FAT1: variants seen among roughly 807,000 people sequenced by gnomAD.
FAT1 encodes the protein protocadherin Fat 1.
FAT1 carries 171 observed loss-of-function variants against 329.8 expected under a neutral mutation model. That is an observed-to-expected ratio of 0.52 (90% CI 0.46 to 0.59). The LOEUF is 0.59. Ranked by LOEUF, FAT1 falls within the 20% of genes least tolerant of loss-of-function variation. The probability of loss-of-function intolerance (pLI) is 0.00; values close to 1 mark genes in which losing one functional copy is unlikely to be tolerated. For synonymous variants in FAT1, 2,233 were observed against 2,228.6 expected (o/e 1.00, Z -0.06); for missense variants, 5,672 against 5,774.4 (o/e 0.98, Z 0.57).
intron 2 of FAT1, among the ~76,000 whole-genome samples, chr4:186,677,233 A>G (rs1483742319): frequency 6.6e-6 from 1 of 152,210 alleles, no homozygotes; most frequent in Non-Finnish European, 1.5e-5. Flanking sequence ...TGCCAAAACC[A>G]ATACCTGTAA....
chr4:186,597,322 A>C (rs1738580723), intron 24 of FAT1, 151 bp from the exon 25 acceptor site: 1 of 826,206 alleles, frequency 1.2e-6, no homozygotes, highest in African/African-American at 1.7e-5. Flanking sequence ...TGTAACGTCG[A>C]CAACCACGAG....
At chr4:186,670,917 G>A (rs1000852405) in intron 2 of FAT1, among the ~76,000 whole-genome samples, 3 of 152,102 alleles carry the variant, frequency 2.0e-5, no homozygotes, top group Non-Finnish European at 4.4e-5. Context: ...ATGGACTTCA[G>A]TTAGTAACAA....
intron 22 of FAT1, chr4:186,598,639 C>T (rs766582082): frequency 1.3e-5 from 2 of 152,618 alleles, no homozygotes; most frequent in African/African-American, 4.8e-5. Flanking sequence ...AGGGATCCTC[C>T]CACCTCAGCC....
At chr4:186,673,952 G>C (rs1742841920) in intron 2 of FAT1, among the ~76,000 whole-genome samples, 1 of 152,168 alleles carries the variant, frequency 6.6e-6, no homozygotes, top group African/African-American at 2.4e-5. Flanking sequence ...TTATCATCTG[G>C]ACACCTGTTA....
rs1026919872 is a variant in FAT1, at chr4:186,707,572, C to G, written c.2256G>C (p.Leu752=). Reference sequence around the variant, plus strand: ...CATTTCCTCCAGAAACAGCATAGACCAGTTTTCCATTGAAGCCAGTGTCAA... The same window carrying G: ...CATTTCCTCCAGAAACAGCATAGACGAGTTTTCCATTGAAGCCAGTGTCAA... ...TDLDTGFNGK[L]VYAVSGGNED... Residue 752 remains leucine, a synonymous_variant, in exon 2 of 27, where the codon CTG becomes CTC. Coordinates refer to ENST00000441802, the MANE Select transcript of FAT1 (RefSeq NM_005245.4). The G allele has an allele frequency of 6.2e-7, 1 of 1,613,920 alleles. No individual in the cohort carries two copies. Among genetic ancestry groups the G allele is most frequent in the Non-Finnish European group, 8.5e-7 (1 of 1,179,882 alleles).
chr4:186,674,869 A>G (rs979211875), intron 2 of FAT1, among the ~76,000 whole-genome samples: 1 of 152,080 alleles, frequency 6.6e-6, no homozygotes, highest in Non-Finnish European at 1.5e-5. Context: ...CCTCGTCTTT[A>G]CAAAAAATAC....
chr4:186,688,684 C>T (rs1743606078), intron 2 of FAT1, among the ~76,000 whole-genome samples: 2 of 142,218 alleles, frequency 1.4e-5, no homozygotes, highest in Non-Finnish European at 1.5e-5. Context: ...CACCCTTCAG[C>T]TGCTACAGTA....
In FAT1 at chr4:186,621,006, C is replaced by T. The variant is rs776657965; in HGVS notation, c.5580G>A (p.Glu1860=). The T allele has an allele frequency of 6.2e-7, 1 of 1,612,776 alleles. No individual in the cohort carries two copies. Among genetic ancestry groups the T allele is most frequent in the Non-Finnish European group, 8.5e-7 (1 of 1,179,856 alleles). ...HDMGTPRLFA[E]YAANVTVHVI... Reference sequence around the variant, plus strand: ...CATGTACTGTTACATTCGCTGCATACTCAGCAAATAAACGTGGGGTTCCCA... The same window carrying T: ...CATGTACTGTTACATTCGCTGCATATTCAGCAAATAAACGTGGGGTTCCCA... Residue 1860 remains glutamate, a synonymous_variant, in exon 10 of 27, where the codon GAG becomes GAA. Transcript: ENST00000441802.
intron 20 of FAT1, 179 bp from the exon 21 acceptor site, chr4:186,601,605 T>C: frequency 2.2e-6 from 1 of 461,298 alleles, no homozygotes; most frequent in Non-Finnish European, 3.8e-6. Flanking sequence ...CATGACTGGC[T>C]CTCTGTTTGG....
Position 186,619,455 on chromosome 4 carries a change from C to T in FAT1, c.7131G>A (p.Thr2377=), listed in dbSNP as rs373431506. 38 of 1,613,832 alleles carry T rather than the reference C, an allele frequency of 2.4e-5. No individual in the cohort carries two copies. In the Middle Eastern group the frequency reaches 6.6e-4, roughly 28 times the overall value. ...MPTLSSDVIV[T]VDVTDLNDNP... ...TATCATTGAGGTCGGTAACGTCCAC[C>T]GTGACAATCACATCACTGCTCAGCG... The change falls in exon 10 of 27, where the codon ACG becomes ACA. Residue 2377 remains threonine, a synonymous_variant. Transcript: ENST00000441802.
Position 186,603,637 on chromosome 4 carries a change from T to C in FAT1, c.10889A>G (p.His3630Arg), listed in dbSNP as rs372958192. The C allele has an allele frequency of 3.1e-6, 5 of 1,613,902 alleles. No homozygotes were observed. The highest frequency in any genetic ancestry group is 2.7e-5 in the African/African-American group (2 of 74,932). Residue 3630 changes from histidine (H) to arginine (R), a missense_variant, in exon 19 of 27, where the codon CAT becomes CGT. Physicochemically the swap from His to Arg is conservative, Grantham distance 29. This residue lies in a region of FAT1 where 1,706 missense variants were observed against 1,859.1 expected (regional missense o/e 0.92). Coordinates refer to ENST00000441802, the MANE Select transcript of FAT1 (RefSeq NM_005245.4). ...CATCTCCTGTGTGACTTGTCTGATA[T>C]GCACTGTGATGTCGGCCACCGTCGT... ...KFTTVADITV[H>R]IRQVTQEMLN...
rs766307296 is a variant in FAT1, at chr4:186,620,146, T to C, written c.6440A>G (p.Asn2147Ser). Residue 2147 changes from asparagine to serine, a missense_variant, in exon 10 of 27, where the codon AAT becomes AGT. Asn to Ser is a conservative substitution (Grantham distance 46). Coordinates refer to ENST00000441802, the MANE Select transcript of FAT1 (RefSeq NM_005245.4). ...LKKQFELDTL[N>S]KEYLVTVVAK... Reference sequence around the variant, plus strand: ...AACCACTGTAACAAGATATTCTTTATTTAAGGTGTCAAGCTCAAATTGCTT... The same window carrying C: ...AACCACTGTAACAAGATATTCTTTACTTAAGGTGTCAAGCTCAAATTGCTT... 5.6e-6 allele frequency: 9 copies of C among 1,613,894 alleles called. No homozygotes were observed. The East Asian group carries it at 1.8e-4, about 32-fold the overall frequency.
intron 2 of FAT1, among the ~76,000 whole-genome samples, chr4:186,669,143 C>T (rs77367573): frequency 0.038 from 5,732 of 152,284 alleles, 119 homozygotes; most frequent in Middle Eastern, 0.068. Context: ...CTCCCCTCTG[C>T]GCTCCCCTCC....
chr4:186,598,253 G>A (rs557619128), intron 22 of FAT1, 128 bp from the exon 23 acceptor site: 3 of 940,546 alleles, frequency 3.2e-6, no homozygotes, highest in Admixed American at 3.3e-5. Flanking sequence ...ACTCTCTCTG[G>A]GAAAAAAGTT....
At chr4:186,646,237 A>G (rs1360933900) in intron 3 of FAT1, among the ~76,000 whole-genome samples, 1 of 152,198 alleles carries the variant, frequency 6.6e-6, no homozygotes, top group African/African-American at 2.4e-5. Context: ...GAATAAGCAC[A>G]GGAAGGGAAA....
At position 186,645,530 on chromosome 4, in the gene FAT1, G is replaced by C. The variant is rs1039706884; in HGVS notation, c.3581-5747C>G. ...ATTTTTACAGGCTTAGAGAGATTAAGTTGCTTACTCAACGTCATTTAGCAA... is the reference window on the plus strand; with the variant it reads ...ATTTTTACAGGCTTAGAGAGATTAACTTGCTTACTCAACGTCATTTAGCAA... On this transcript the variant is annotated intron_variant, in intron 3 of 26. Transcript: ENST00000441802. Among the ~76,000 whole-genome samples, 72 of 150,568 alleles carry C rather than the reference G, an allele frequency of 4.8e-4. 1 individual carries two copies. The highest frequency in any genetic ancestry group is 1.8e-3 in the African/African-American group (72 of 41,032).
intron 2 of FAT1, among the ~76,000 whole-genome samples, chr4:186,704,112 T>C (rs1744463585): frequency 6.6e-6 from 1 of 152,244 alleles, no homozygotes; most frequent in Non-Finnish European, 1.5e-5. Context: ...CACTACTTAC[T>C]TTCTCTGTAA....
intron 3 of FAT1, among the ~76,000 whole-genome samples, chr4:186,648,363 CTCAAA>C (rs1741477979): frequency 6.6e-6 from 1 of 152,070 alleles, no homozygotes; most frequent in South Asian, 2.1e-4. Flanking sequence ...GCTGGAAAAT[CTCAAA>C]TCAATTATTT....
intron 22 of FAT1, chr4:186,598,428 G>GCA (rs1217746383): frequency 3.3e-5 from 8 of 243,182 alleles, no homozygotes. Context: ...TACGTAGACA[G>GCA]CACCACTTAA....
Sources: gnomAD v4.1 joint callset for allele counts (sites outside exome capture counted in the v4.1 genomes callset) on GRCh38, gnomAD v4.1.1 for gene constraint, gnomAD v4.1.1 regional missense constraint, MANE v1.5 for transcripts, NCBI Gene and HGNC (gene_info 2026-07-23, HGNC 2026-07-21) for gene names.